TMBIM6: variants seen among roughly 807,000 people sequenced by gnomAD.
The protein encoded by TMBIM6 is transmembrane BAX inhibitor motif containing 6.
TMBIM6 carries 13 observed loss-of-function variants against 31.4 expected under a neutral mutation model. The ratio of observed to expected loss-of-function variants is 0.41; its 90% CI spans 0.27 to 0.66. The LOEUF is 0.66. Among genes scored for constraint, TMBIM6 ranks in the 30% least tolerant of loss-of-function variants. TMBIM6 has a pLI of 0.28. For missense variants in TMBIM6, 275 were observed against 289.5 expected (o/e 0.95, Z 0.36); for synonymous variants, 85 against 101.7 (o/e 0.84, Z 0.99).
intron 1 of TMBIM6, among the ~76,000 whole-genome samples, chr12:49,745,744 A>C: frequency 6.6e-6 from 1 of 151,936 alleles, no homozygotes; most frequent in African/African-American, 2.4e-5. Context: ...AACCCAGCAC[A>C]TTTAGAATTT....
rs1016678680 is a variant in TMBIM6 at position 49,759,429 on chromosome 12, G to A, written c.614+108G>A. ...ACATAGGTGGCCAAGCTTTGGGAGTGTATGTGGTAGGAAACCCACGGTTTT... is the reference window on the plus strand; with the variant it reads ...ACATAGGTGGCCAAGCTTTGGGAGTATATGTGGTAGGAAACCCACGGTTTT... On this transcript the variant is annotated intron_variant, in intron 8 of 9. Transcript: ENST00000267115. The A allele has an allele frequency of 7.0e-6, 6 of 859,022 alleles. No homozygotes were observed. In the Admixed American group the frequency reaches 1.2e-4, roughly 17 times the overall value. The allele number at this position is 859,022 out of a possible 1,614,324, so 53.2% of individuals were successfully genotyped here. A position where few individuals can be genotyped will look rare whatever the true frequency, so the allele number is the denominator to read the frequency against.
intron 1 of TMBIM6, among the ~76,000 whole-genome samples, chr12:49,746,483 A>G (rs7953412): frequency 0.12 from 18,252 of 152,210 alleles, 1,660 homozygotes; most frequent in African/African-American, 0.26. Flanking sequence ...AACTCATTCT[A>G]TGTACAAAGA....
chr12:49,762,950 C>G lies in TMBIM6; in HGVS notation c.*54C>G, dbSNP rs562249578. ...CTTCCTCTCCTTCCACCCCTCATTT[C>G]CTTTTTGCACACATTACAGGTGGTG... On this transcript the variant is annotated 3_prime_UTR_variant, in exon 10 of 10. Transcript: ENST00000267115. 1.3e-6 allele frequency: 2 copies of G among 1,579,048 alleles called. No homozygotes were observed. The highest frequency in any genetic ancestry group is 1.1e-5 in the South Asian group (1 of 90,078).
In TMBIM6 at chr12:49,764,156, G is replaced by A. The variant is rs1227677617; in HGVS notation, c.*1260G>A. The stretch of plus-strand genomic sequence containing the variant: ...AATCCCTGCAGTTTTGTGGCTTCAA[G>A]TGTGGGTGGACAGTCCTAATGGGGA... On this transcript the variant is annotated 3_prime_UTR_variant, in exon 10 of 10. Coordinates refer to ENST00000267115, the MANE Select transcript of TMBIM6 (RefSeq NM_003217.3). The A allele has an allele frequency of 6.6e-6, 1 of 151,902 alleles. No individual in the cohort carries two copies. Among genetic ancestry groups the A allele is most frequent in the Non-Finnish European group, 1.5e-5 (1 of 68,046 alleles). 9.4% of individuals were successfully genotyped at this position (151,902 alleles called of 1,614,324 possible).
intron 1 of TMBIM6, 147 bp downstream of exon 1, chr12:49,741,758 G>A (rs1945298257): frequency 4.3e-6 from 1 of 233,698 alleles, no homozygotes; most frequent in South Asian, 5.0e-5. Context: ...GACCAGACTC[G>A]GGAAAACAGG....
intron 1 of TMBIM6, among the ~76,000 whole-genome samples, chr12:49,751,161 T>C (rs1945486751): frequency 6.6e-6 from 1 of 152,216 alleles, no homozygotes; most frequent in African/African-American, 2.4e-5. Flanking sequence ...CTTGACTTTA[T>C]GGTGTTGATA....
intron 8 of TMBIM6, among the ~76,000 whole-genome samples, chr12:49,760,612 C>T (rs1325996850): frequency 6.9e-6 from 1 of 145,414 alleles, no homozygotes; most frequent in East Asian, 2.1e-4. Flanking sequence ...TCTCAGCTCA[C>T]TGCAACCTCC....
chr12:49,761,627 T>G (rs1592734300), intron 8 of TMBIM6, 77 bp from the exon 9 acceptor site: 5 of 1,399,240 alleles, frequency 3.6e-6, no homozygotes, highest in East Asian at 4.7e-5. Context: ...AGGGGTGGGG[T>G]TTATATTCTG....
At chr12:49,756,085 G>A (rs1374793705) in intron 4 of TMBIM6, among the ~76,000 whole-genome samples, 2 of 151,484 alleles carry the variant, frequency 1.3e-5, no homozygotes, top group African/African-American at 4.9e-5. Context: ...CGCCCGTCTC[G>A]GCCTCCTAAA....
intron 1 of TMBIM6, chr12:49,742,047 C>T (rs991139463): frequency 1.4e-5 from 21 of 1,525,724 alleles, no homozygotes; most frequent in African/African-American, 1.1e-4. Context: ...CATCCGATTG[C>T]TGTTCGGCTG....
At chr12:49,755,826 CCTTTTTTTTT>C in intron 4 of TMBIM6, 71 bp downstream of exon 4, 2 of 1,522,926 alleles carry the variant, frequency 1.3e-6, no homozygotes, top group Non-Finnish European at 1.8e-6. Flanking sequence ...AGTTCCCCCC[CCTTTTTTTTT>C]CTTTTTTTTT....
intron 7 of TMBIM6, 56 bp downstream of exon 7, chr12:49,758,818 C>CTTTTTTTTTTTT (rs57007895): frequency 5.2e-6 from 6 of 1,161,868 alleles, no homozygotes; most frequent in African/African-American, 1.8e-5. Flanking sequence ...TCTTTCTTTC[C>CTTTTTTTTTTTT]TTTTTTTTTT....
At chr12:49,761,654 T>C in intron 8 of TMBIM6, 50 bp from the exon 9 acceptor site, 5 of 1,577,626 alleles carry the variant, frequency 3.2e-6, no homozygotes, top group Non-Finnish European at 4.4e-6. Context: ...TGTGGGCTTG[T>C]GGATAAAAAA....
intron 1 of TMBIM6, among the ~76,000 whole-genome samples, chr12:49,748,798 A>G (rs774261921): frequency 1.3e-5 from 2 of 152,244 alleles, no homozygotes; most frequent in Non-Finnish European, 2.9e-5. Flanking sequence ...TAATAGGCTT[A>G]GAGGTGTGAA....
intron 1 of TMBIM6, among the ~76,000 whole-genome samples, chr12:49,750,889 T>G (rs920106141): frequency 6.6e-6 from 1 of 152,204 alleles, no homozygotes; most frequent in Non-Finnish European, 1.5e-5. Context: ...CTAGATGAAT[T>G]GTTCTGAGTG....
intron 7 of TMBIM6, 56 bp downstream of exon 7, chr12:49,758,818 C>CA: frequency 8.6e-7 from 1 of 1,161,202 alleles, no homozygotes; most frequent in Non-Finnish European, 1.2e-6. Context: ...TCTTTCTTTC[C>CA]TTTTTTTTTT....
chr12:49,758,033 T>TAA (rs774037062), intron 4 of TMBIM6, among the ~76,000 whole-genome samples, 194 bp from the exon 5 acceptor site: 7 of 133,174 alleles, frequency 5.3e-5, no homozygotes, highest in East Asian at 2.2e-4. Context: ...GCTATTTCTA[T>TAA]AAAAAAAAAA....
Position 49,764,932 on chromosome 12 carries a change from T to C in TMBIM6, c.*2036T>C, listed in dbSNP as rs1945791145. 6.6e-6 allele frequency: 1 copy of C among 152,168 alleles called. No individual in the cohort carries two copies. 9.4% of individuals were successfully genotyped at this position (152,168 alleles called of 1,614,324 possible). On this transcript the variant is annotated 3_prime_UTR_variant, in exon 10 of 10. Coordinates refer to ENST00000267115, the MANE Select transcript of TMBIM6 (RefSeq NM_003217.3). ...AAAAAATAAAGAAAATTCCTTAACC[T>C]TTCCTGGTGTTTGTGTTAAATTCAA...
chr12:49,756,063 G>T (rs913406921), intron 4 of TMBIM6, among the ~76,000 whole-genome samples: 3 of 151,942 alleles, frequency 2.0e-5, no homozygotes, highest in Non-Finnish European at 2.9e-5. Flanking sequence ...TTGATCTCCT[G>T]ACCTCATGAT....
Sources: gnomAD v4.1 joint callset for allele counts (sites outside exome capture counted in the v4.1 genomes callset) on GRCh38, gnomAD v4.1.1 for gene constraint, MANE v1.5 for transcripts, NCBI Gene and HGNC (gene_info 2026-07-23, HGNC 2026-07-21) for gene names.